OTOGL: variants seen among roughly 807,000 people sequenced by gnomAD.
OTOGL encodes otogelin like, also known as otogelin-like protein.
A neutral mutation model predicts 318.5 loss-of-function variants in OTOGL; 285 were observed. The observed-to-expected ratio is 0.89, with a 90% CI of 0.81 to 0.99. OTOGL has a LOEUF of 0.99. Among genes scored for constraint, OTOGL ranks in the 50% least tolerant of loss-of-function variants. The pLI, the probability that OTOGL is intolerant of heterozygous loss-of-function variation, is 0.00. For synonymous variants in OTOGL, 987 were observed against 936.5 expected (o/e 1.05, Z -0.99); for missense variants, 2,899 against 2,845.6 (o/e 1.02, Z -0.43).
intron 7 of OTOGL, among the ~76,000 whole-genome samples, chr12:80,228,063 A>G (rs184443915): frequency 2.0e-5 from 3 of 152,320 alleles, no homozygotes; most frequent in Admixed American, 6.5e-5. Context: ...TACCTAGAAC[A>G]GTGCCTGGTA....
At chr12:80,162,874 A>G (rs1198790513) in intron 1 of OTOGL, among the ~76,000 whole-genome samples, 2 of 151,790 alleles carry the variant, frequency 1.3e-5, no homozygotes, top group South Asian at 2.1e-4. Flanking sequence ...TGTTCATATG[A>G]CTCATGCACC....
chr12:80,150,144 G>T (rs536838152), intron 1 of OTOGL, among the ~76,000 whole-genome samples: 2 of 152,166 alleles, frequency 1.3e-5, no homozygotes, highest in Non-Finnish European at 2.9e-5. Context: ...AAAGGACTTT[G>T]CTCTCTCTCA....
intron 26 of OTOGL, among the ~76,000 whole-genome samples, chr12:80,290,205 C>T (rs562325515): frequency 5.9e-5 from 9 of 152,192 alleles, no homozygotes; most frequent in Admixed American, 4.6e-4. Context: ...TTCTGCTCAC[C>T]CTCCTTGGGC....
At chr12:80,351,042 AG>A (rs1308852895) in intron 44 of OTOGL, among the ~76,000 whole-genome samples, 1 of 152,166 alleles carries the variant, frequency 6.6e-6, no homozygotes, top group Non-Finnish European at 1.5e-5. Flanking sequence ...CAGGTCCTAC[AG>A]TTAAGTCTTA....
intron 27 of OTOGL, among the ~76,000 whole-genome samples, chr12:80,301,354 C>T (rs1592677842): frequency 6.6e-6 from 1 of 152,170 alleles, no homozygotes; most frequent in African/African-American, 2.4e-5. Context: ...CTGCTTTATC[C>T]TTTCTCCTGC....
At chr12:80,298,220 G>T (rs566977124) in intron 27 of OTOGL, among the ~76,000 whole-genome samples, 33 of 152,294 alleles carry the variant, frequency 2.2e-4, no homozygotes, top group African/African-American at 7.0e-4. Context: ...AAGGAAGCAT[G>T]GTGTCCTATG....
At chr12:80,171,413 G>A (rs1874199074) in intron 1 of OTOGL, among the ~76,000 whole-genome samples, 1 of 151,966 alleles carries the variant, frequency 6.6e-6, no homozygotes, top group African/African-American at 2.4e-5. Context: ...TTTTGCACGT[G>A]GAAGTCCAAT....
intron 1 of OTOGL, among the ~76,000 whole-genome samples, chr12:80,120,164 G>T (rs987743238): frequency 6.6e-6 from 1 of 151,946 alleles, no homozygotes; most frequent in African/African-American, 2.4e-5. Flanking sequence ...CCAATCATAG[G>T]ATGGGGTAGC....
At chr12:80,296,805 T>C (rs957349068) in intron 26 of OTOGL, 22 bp from the exon 27 acceptor site, 5 of 1,403,764 alleles carry the variant, frequency 3.6e-6, no homozygotes, top group East Asian at 2.5e-5. Flanking sequence ...TTTGTATTAA[T>C]AAAATATTTG....
At chr12:80,201,682 T>A (rs1286662622) in intron 1 of OTOGL, among the ~76,000 whole-genome samples, 2 of 152,122 alleles carry the variant, frequency 1.3e-5, no homozygotes, top group Non-Finnish European at 2.9e-5. Flanking sequence ...ATGGATTTCA[T>A]AAATGAAAGA....
intron 1 of OTOGL, among the ~76,000 whole-genome samples, chr12:80,144,550 T>G (rs558007234): frequency 6.6e-6 from 1 of 151,040 alleles, no homozygotes; most frequent in Non-Finnish European, 1.5e-5. Flanking sequence ...GCATGACTTA[T>G]AGTCCTTTGG....
At position 80,255,045 on chromosome 12, in the gene OTOGL, T is replaced by C. The variant is rs1881909834; in HGVS notation, c.1447T>C (p.Cys483Arg). Residue 483 changes from cysteine (C) to arginine (R), a missense_variant, in exon 16 of 59, where the codon TGC becomes CGC. By Grantham distance (180) the Cys-to-Arg change is radical (BLOSUM62 -3). Transcript: ENST00000547103. The part of the protein sequence containing the change: ...NCTEQDCPVQ[C>R]SVVGDSHFTT... ...TTTCTTTTTTTTTTTGGCAGTTCAA[T>C]GCTCAGTTGTAGGTGATTCTCACTT... is the stretch of plus-strand genomic sequence containing the variant. 6.8e-7 allele frequency: 1 copy of C among 1,460,486 alleles called. No individual in the cohort carries two copies. The allele number at this position is 1,460,486 out of a possible 1,614,324, so 90.5% of individuals were successfully genotyped here. A position where few individuals can be genotyped will look rare whatever the true frequency, so the allele number is the denominator to read the frequency against.
chr12:80,249,766 C>G (rs550397525), intron 11 of OTOGL, among the ~76,000 whole-genome samples: 63 of 152,280 alleles, frequency 4.1e-4, no homozygotes, highest in African/African-American at 1.1e-3. Flanking sequence ...CCCCCAGCCT[C>G]GCTGCCGCCT....
At chr12:80,369,777 A>T (rs76337504) in intron 55 of OTOGL, among the ~76,000 whole-genome samples, 2 of 152,032 alleles carry the variant, frequency 1.3e-5, no homozygotes, top group Non-Finnish European at 2.9e-5. Context: ...ACATGCCCCC[A>T]CCATGGCCAA....
At chr12:80,170,219 ATG>A (rs796199421) in intron 1 of OTOGL, among the ~76,000 whole-genome samples, 1 of 116,716 alleles carries the variant, frequency 8.6e-6, no homozygotes, top group Admixed American at 7.9e-5. Flanking sequence ...GTGTGTATGT[ATG>A]TGTGTGTGTG....
chr12:80,375,542 G>A (rs1891131629), intron 57 of OTOGL, among the ~76,000 whole-genome samples: 1 of 152,154 alleles, frequency 6.6e-6, no homozygotes, highest in Admixed American at 6.6e-5. Flanking sequence ...AATGAGAGGA[G>A]CTGGGTTGCT....
At chr12:80,263,753 A>T (rs528408582) in intron 19 of OTOGL, among the ~76,000 whole-genome samples, 2 of 152,126 alleles carry the variant, frequency 1.3e-5, no homozygotes, top group Non-Finnish European at 2.9e-5. Context: ...AAATAAGTAG[A>T]CAAAAGTCAA....
rs187904310 is a variant in OTOGL, at chr12:80,166,883, C to A, written c.-19-42530C>A. On this transcript the variant is annotated intron_variant, in intron 1 of 58. Coordinates refer to ENST00000547103, the MANE Select transcript of OTOGL (RefSeq NM_001378609.3). The stretch of plus-strand genomic sequence containing the variant: ...GACTTATGGCAACAGAGTCAGAGGG[C>A]AGAAAAAAATGCTGTGCTCTGGGAA... Among the ~76,000 whole-genome samples the A allele has an allele frequency of 1.8e-3, 271 of 152,006 alleles. 1 individual carries two copies. Among genetic ancestry groups the A allele is most frequent in the African/African-American group, 6.3e-3 (261 of 41,468 alleles).
chr12:80,294,410 G>C (rs1020282257), intron 26 of OTOGL, among the ~76,000 whole-genome samples: 1 of 152,068 alleles, frequency 6.6e-6, no homozygotes, highest in Non-Finnish European at 1.5e-5. Flanking sequence ...ACATCCCTTA[G>C]TCTAAATAAC....
Sources: gnomAD v4.1 joint callset for allele counts (sites outside exome capture counted in the v4.1 genomes callset) on GRCh38, gnomAD v4.1.1 for gene constraint, MANE v1.5 for transcripts, NCBI Gene and HGNC (gene_info 2026-07-23, HGNC 2026-07-21) for gene names.